The following GREB1L variants were observed in gnomAD, a reference collection of about 807,000 sequenced individuals.
GREB1L encodes GREB1 like retinoic acid receptor coactivator, also known as GREB1-like protein.
GREB1L carries 17 observed loss-of-function variants against 200.8 expected under a neutral mutation model. The observed-to-expected ratio is 0.08, with a 90% CI of 0.06 to 0.13. The LOEUF is 0.13. GREB1L is among the 10% of genes least tolerant of loss of function. The pLI is 1.00. For missense variants in GREB1L, 1,657 were observed against 2,367.7 expected, an observed-to-expected ratio of 0.70 and a Z score of 6.23; for synonymous variants, 789 against 893.0, an observed-to-expected ratio of 0.88 and a Z score of 2.08.
intron 4 of GREB1L, among the ~76,000 whole-genome samples, chr18:21,384,635 G>A (rs1181272555): frequency 2.0e-5 from 3 of 152,156 alleles, no homozygotes; most frequent in African/African-American, 7.2e-5. Context: ...GAAATTCACA[G>A]TTGTTGACTT....
At chr18:21,388,207 G>A (rs2040623788) in intron 4 of GREB1L, among the ~76,000 whole-genome samples, 1 of 151,950 alleles carries the variant, frequency 6.6e-6, no homozygotes, top group Admixed American at 6.6e-5. Flanking sequence ...TTGCCTGTGT[G>A]GCTTGTATTG....
In GREB1L at chr18:21,453,650, G is replaced by A. The variant is rs1371339645; in HGVS notation, c.1985-716G>A. On this transcript the variant is annotated intron_variant, in intron 14 of 32. Transcript: ENST00000424526. ...TATCTGGGAAATGTTTTTGTAATAT[G>A]TCACCTGCTGAGTGGCCAGCTGGCT... Among the ~76,000 whole-genome samples the A allele has an allele frequency of 2.0e-5, 3 of 152,278 alleles. No individual in the cohort carries two copies. The East Asian group carries it at 5.8e-4, about 29-fold the overall frequency.
chr18:21,412,274 G>A (rs1041848958), intron 7 of GREB1L, among the ~76,000 whole-genome samples: 11 of 151,758 alleles, frequency 7.2e-5, no homozygotes, highest in African/African-American at 2.4e-4. Flanking sequence ...TTAGCAACGT[G>A]TGTTGACACA....
Position 21,444,339 on chromosome 18 carries a change from G to T in GREB1L, c.1323G>T (p.Gly441=), listed in dbSNP as rs1010784307. Residue 441 remains glycine, a synonymous_variant, in exon 11 of 33, where the codon GGG becomes GGT. Transcript: ENST00000424526. The part of the protein sequence containing the change: ...QLENKDLEKL[G]LTGSQFLSVE... ...AAAACAAAGATTTGGAAAAATTAGGGTTGACCGGCAGCCAATTTCTGAGCG... is the reference window on the plus strand; with the variant it reads ...AAAACAAAGATTTGGAAAAATTAGGTTTGACCGGCAGCCAATTTCTGAGCG... 1 of 1,552,224 alleles carries T rather than the reference G, an allele frequency of 6.4e-7. No homozygotes were observed. Among genetic ancestry groups the T allele is most frequent in the African/African-American group, 1.4e-5 (1 of 73,160 alleles).
At chr18:21,295,961 C>T (rs1182444399) in intron 1 of GREB1L, among the ~76,000 whole-genome samples, 1 of 152,218 alleles carries the variant, frequency 6.6e-6, no homozygotes, top group African/African-American at 2.4e-5. Context: ...CAAAGGAACA[C>T]TTACACACTG....
At chr18:21,313,645 G>A (rs1281558812) in intron 1 of GREB1L, among the ~76,000 whole-genome samples, 1 of 152,146 alleles carries the variant, frequency 6.6e-6, no homozygotes, top group Non-Finnish European at 1.5e-5. Context: ...TTTGTTTTTG[G>A]TTTGTAGTTT....
chr18:21,407,142 G>A (rs995933529), intron 7 of GREB1L, among the ~76,000 whole-genome samples: 4 of 152,048 alleles, frequency 2.6e-5, no homozygotes, highest in Admixed American at 2.6e-4. Context: ...CCAAAGTGCT[G>A]GGATTACAGG....
chr18:21,253,326 C>T (rs1373044558), intron 1 of GREB1L, among the ~76,000 whole-genome samples: 1 of 141,380 alleles, frequency 7.1e-6, no homozygotes, highest in Non-Finnish European at 1.5e-5. Context: ...GATCTCGGTT[C>T]ACCGCAACCT....
In GREB1L at chr18:21,268,560, C is replaced by CACACACAT. The variant is rs1204514384; in HGVS notation, c.-120+26168_-120+26169insCACACATA. ...ACACACACACACACACACACACACA[C>CACACACAT]ATATATATATATATATATATATATA... On this transcript the variant is annotated intron_variant, in intron 1 of 32. Transcript: ENST00000424526. Among the ~76,000 whole-genome samples, 144 of 63,530 alleles carry CACACACAT rather than the reference C, an allele frequency of 2.3e-3. 1 individual carries two copies. Among genetic ancestry groups the CACACACAT allele is most frequent in the East Asian group, 4.2e-3 (8 of 1,894 alleles). The allele number at this position is 63,530 out of a possible 152,430, so 41.7% of individuals were successfully genotyped here. A position where few individuals can be genotyped will look rare whatever the true frequency, so the allele number is the denominator to read the frequency against.
chr18:21,436,118 A>G (rs2033520958), intron 7 of GREB1L, among the ~76,000 whole-genome samples: 2 of 152,202 alleles, frequency 1.3e-5, no homozygotes, highest in African/African-American at 4.8e-5. Flanking sequence ...GGGATACAGA[A>G]GGAGGATCAG....
At chr18:21,378,734 C>G (rs536259853) in intron 2 of GREB1L, among the ~76,000 whole-genome samples, 1 of 152,120 alleles carries the variant, frequency 6.6e-6, no homozygotes, top group Non-Finnish European at 1.5e-5. Flanking sequence ...TCAGCTAATT[C>G]CTTTTATTCT....
chr18:21,406,908 T>C (rs570158951), intron 7 of GREB1L, among the ~76,000 whole-genome samples: 1 of 143,512 alleles, frequency 7.0e-6, no homozygotes, highest in Non-Finnish European at 1.5e-5. Flanking sequence ...GGAGTCTCAC[T>C]GTGACACCCA....
At chr18:21,505,622 A>G in intron 24 of GREB1L, 55 bp downstream of exon 24, 1 of 1,528,620 alleles carries the variant, frequency 6.5e-7, no homozygotes. Context: ...ACACTAGCTC[A>G]GGGTGCCTTA....
At chr18:21,373,259 A>G (rs2039949017) in intron 2 of GREB1L, among the ~76,000 whole-genome samples, 1 of 152,080 alleles carries the variant, frequency 6.6e-6, no homozygotes, top group Non-Finnish European at 1.5e-5. Flanking sequence ...TCATGGTTTC[A>G]CTTATTACCA....
intron 1 of GREB1L, among the ~76,000 whole-genome samples, chr18:21,303,196 C>A (rs1219841359): frequency 6.6e-6 from 1 of 152,144 alleles, no homozygotes; most frequent in South Asian, 2.1e-4. Context: ...CTTTTGAATG[C>A]AATGTGTTCT....
intron 4 of GREB1L, 147 bp downstream of exon 4, chr18:21,384,550 A>G (rs1158237621): frequency 1.5e-6 from 1 of 662,404 alleles, no homozygotes; most frequent in Non-Finnish European, 2.6e-6. Context: ...CATTCACATT[A>G]TCTCCTGTGA....
At chr18:21,521,121 TG>T (rs2037586928) in intron 32 of GREB1L, among the ~76,000 whole-genome samples, 1 of 151,628 alleles carries the variant, frequency 6.6e-6, no homozygotes, top group African/African-American at 2.4e-5. Context: ...GGCGTGAACC[TG>T]GGAGGCGGAG....
At chr18:21,275,310 T>C (rs573371361) in intron 1 of GREB1L, among the ~76,000 whole-genome samples, 3 of 152,100 alleles carry the variant, frequency 2.0e-5, no homozygotes, top group Non-Finnish European at 2.9e-5. Context: ...TTGAGAGAAA[T>C]GTAGGAAATA....
Position 21,330,671 on chromosome 18 carries a change from G to T in GREB1L, c.-119-35356G>T, listed in dbSNP as rs184681547. Reference sequence around the variant, plus strand: ...TGGCCTTTGGTTTTCTTCCACTGAGGGGGGTAAGAACACACAGACATACCT... The same window carrying T: ...TGGCCTTTGGTTTTCTTCCACTGAGTGGGGTAAGAACACACAGACATACCT... On this transcript the variant is annotated intron_variant, in intron 1 of 32. Transcript: ENST00000424526. Among the ~76,000 whole-genome samples, 39 of 152,184 alleles carry T rather than the reference G, an allele frequency of 2.6e-4. No individual in the cohort carries two copies. The East Asian group carries it at 6.0e-3, about 23-fold the overall frequency.
Sources: allele counts gnomAD v4.1 joint callset (sites outside exome capture counted in the v4.1 genomes callset), GRCh38; gene constraint gnomAD v4.1.1; transcripts MANE v1.5; gene names NCBI Gene and HGNC (gene_info 2026-07-23, HGNC 2026-07-21).